RASSF5: variants seen among roughly 807,000 people sequenced by gnomAD.
RASSF5 encodes the protein Ras association domain family member 5.
RASSF5 carries 25 observed loss-of-function variants against 40.5 expected under a neutral mutation model. The observed-to-expected ratio is 0.62, with a 90% CI of 0.45 to 0.86. The LOEUF is 0.86. RASSF5 is among the 40% of genes least tolerant of loss of function. The probability of loss-of-function intolerance (pLI) is 0.00; values close to 1 mark genes in which losing one functional copy is unlikely to be tolerated. For missense variants in RASSF5, 521 were observed against 572.8 expected (o/e 0.91, Z 0.92); for synonymous variants, 246 against 252.4 (o/e 0.97, Z 0.24).
rs574913315 is a variant in RASSF5 at position 206,507,774 on chromosome 1, G to A, written c.172G>A (p.Glu58Lys). 7.7e-4 allele frequency: 1,080 copies of A among 1,397,318 alleles called. 22 individuals carry two copies. The South Asian group carries it at 0.016, about 21-fold the overall frequency. The allele number at this position is 1,397,318 out of a possible 1,614,324, so 86.6% of individuals were successfully genotyped here. ...CCTCTCCACTGCGCCCGGGGCGCGC[G>A]AGGGGCGCAGCGCCCGGAGGGCTGC... ...APLSTAPGAREGRSARRAARG... is the reference protein window; with the variant it reads ...APLSTAPGARKGRSARRAARG... The change falls in exon 1 of 6, where the codon GAG becomes AAG. Residue 58 changes from glutamate (E) to lysine (K), a missense_variant. Transcript: ENST00000579436.
At chr1:206,542,269 C>T (rs1667563747) in intron 2 of RASSF5, 1 of 152,128 alleles carries the variant, frequency 6.6e-6, no homozygotes. Context: ...GGGGGTGGAT[C>T]CCTCATGAAT....
Position 206,584,563 on chromosome 1 carries a change from G to A in RASSF5, c.867G>A (p.Gln289=). 6.2e-7 allele frequency: 1 copy of A among 1,614,238 alleles called. No individual in the cohort carries two copies. Among genetic ancestry groups the A allele is most frequent in the Non-Finnish European group, 8.5e-7 (1 of 1,180,048 alleles). Reference sequence around the variant, plus strand: ...ACCTGCCCCTAGATGCCATCAAGCAGCTGCACATCAGCAGCACCACCACCG... The same window carrying A: ...ACCTGCCCCTAGATGCCATCAAGCAACTGCACATCAGCAGCACCACCACCG... ...SFYLPLDAIK[Q]LHISSTTTVS... The change falls in exon 4 of 6, where the codon CAG becomes CAA. Residue 289 remains glutamine, a synonymous_variant. Coordinates refer to ENST00000579436, the MANE Select transcript of RASSF5 (RefSeq NM_182663.4). This position sits in a 1 kb window ranked among gnomAD's most constrained non-coding sequence, Gnocchi z 4.9.
At position 206,562,314 on chromosome 1, in the gene RASSF5, G is replaced by A. The variant is rs556164353; in HGVS notation, c.580-20955G>A. ...CATGGCACCTGCCCCTCACCACCTC[G>A]GCATGAGAGAAAAGAAAAGATTACT... On this transcript the variant is annotated intron_variant, in intron 2 of 5. Coordinates refer to ENST00000579436, the MANE Select transcript of RASSF5 (RefSeq NM_182663.4). Among the ~76,000 whole-genome samples the A allele has an allele frequency of 1.1e-4, 16 of 152,278 alleles. No homozygotes were observed. In the South Asian group the frequency reaches 1.2e-3, roughly 12 times the overall value.
intron 2 of RASSF5, among the ~76,000 whole-genome samples, chr1:206,563,386 C>T (rs1668201545): frequency 6.6e-6 from 1 of 152,146 alleles, no homozygotes; most frequent in Admixed American, 6.5e-5. Context: ...TGACCTTGTA[C>T]CTCTCTCTCA....
rs894357430 is a variant in RASSF5 at position 206,584,929 on chromosome 1, G to A, written c.988+245G>A. 66 of 607,060 alleles carry A rather than the reference G, an allele frequency of 1.1e-4. 1 individual carries two copies. The African/African-American group carries it at 1.1e-3, about 10-fold the overall frequency. 37.6% of individuals were successfully genotyped at this position (607,060 alleles called of 1,614,324 possible). ...TCCCATTTCCTGATCTGTGCAATGG[G>A]AGGAATCTGCCCCACCATTCCTAAT... On this transcript the variant is annotated intron_variant, in intron 4 of 5. Coordinates refer to ENST00000579436, the MANE Select transcript of RASSF5 (RefSeq NM_182663.4). The surrounding 1 kb of genome is among the most constrained non-coding windows in gnomAD (Gnocchi z 4.9).
chr1:206,524,661 A>ATT (rs1553396896), intron 1 of RASSF5, among the ~76,000 whole-genome samples: 60 of 136,068 alleles, frequency 4.4e-4, no homozygotes, highest in African/African-American at 1.5e-3. Context: ...TATTATGTAT[A>ATT]ATATATATTA....
rs1553407049 is a variant in RASSF5, at chr1:206,584,418, A to C, written c.722A>C (p.Lys241Thr). ...SEDGTYTGFIKVHLKLRRPVT... is the reference protein window; with the variant it reads ...SEDGTYTGFITVHLKLRRPVT... ...GACGGCACCTACACGGGTTTCATCA[A>C]AGTGCATCTGAAACTCCGGCGGCCT... The change falls in exon 4 of 6, where the codon AAA (lysine) becomes ACA (threonine). Residue 241 changes from lysine to threonine, a missense_variant. By Grantham distance (78) the Lys-to-Thr change is moderately conservative. This residue lies in a region of RASSF5 where 284 missense variants were observed against 360.8 expected (regional missense o/e 0.79). Coordinates refer to ENST00000579436, the MANE Select transcript of RASSF5 (RefSeq NM_182663.4). The surrounding 1 kb of genome is among the most constrained non-coding windows in gnomAD (Gnocchi z 4.9). 1 of 1,613,972 alleles carries C rather than the reference A, an allele frequency of 6.2e-7. No individual in the cohort carries two copies. Among genetic ancestry groups the C allele is most frequent in the Admixed American group, 1.7e-5 (1 of 60,012 alleles).
chr1:206,558,975 A>C (rs1668070659), intron 2 of RASSF5, among the ~76,000 whole-genome samples: 1 of 152,104 alleles, frequency 6.6e-6, no homozygotes, highest in Admixed American at 6.5e-5. Flanking sequence ...AAGTCCCCCA[A>C]ATCCCCACAG....
Position 206,584,648 on chromosome 1 carries a change from T to C in RASSF5, c.952T>C (p.Phe318Leu). Residue 318 changes from phenylalanine (F) to leucine (L), a missense_variant, in exon 4 of 6, where the codon TTT (phenylalanine) becomes CTT (leucine). Phe to Leu is a conservative substitution (Grantham distance 22). Around this residue, in one of 2 missense-constraint regions of RASSF5, gnomAD observed 284 missense variants for 360.8 expected, o/e 0.79. Transcript: ENST00000579436. This position sits in a 1 kb window ranked among gnomAD's most constrained non-coding sequence, Gnocchi z 4.9. ...KFMVVDNPQK[F>L]ALFKRIHKDG... Reference sequence around the variant, plus strand: ...CATGGTTGTGGACAATCCCCAGAAGTTTGCACTTTTTAAGCGGATACACAA... The same window carrying C: ...CATGGTTGTGGACAATCCCCAGAAGCTTGCACTTTTTAAGCGGATACACAA... 1 of 1,614,002 alleles carries C rather than the reference T, an allele frequency of 6.2e-7. No homozygotes were observed. Among genetic ancestry groups the C allele is most frequent in the Non-Finnish European group, 8.5e-7 (1 of 1,179,988 alleles).
At chr1:206,586,765 G>A (rs1669132877) in intron 5 of RASSF5, 61 bp from the exon 6 acceptor site, 1 of 1,363,870 alleles carries the variant, frequency 7.3e-7, no homozygotes, top group South Asian at 1.2e-5. Context: ...CTCAGGTCGT[G>A]TCAACTTCTA....
intron 1 of RASSF5, among the ~76,000 whole-genome samples, chr1:206,522,962 A>G (rs1666946543): frequency 6.6e-6 from 1 of 152,198 alleles, no homozygotes. Context: ...ATTTTAGACA[A>G]CAGTGGGCTC....
At chr1:206,523,883 ATATT>A (rs1553396663) in intron 1 of RASSF5, among the ~76,000 whole-genome samples, 1 of 111,452 alleles carries the variant, frequency 9.0e-6, no homozygotes, top group African/African-American at 3.7e-5. Context: ...TATTTTATAT[ATATT>A]TTTCATGTAA....
At position 206,572,767 on chromosome 1, in the gene RASSF5, G is replaced by A. The variant is rs1419262720; in HGVS notation, c.580-10502G>A. ...AAGTGTTTTAATATAGGATATTGAT[G>A]TATTTGTCTTTATACCGATGCAATC... On this transcript the variant is annotated intron_variant, in intron 2 of 5. Transcript: ENST00000579436. 3 of 152,260 alleles carry A rather than the reference G, an allele frequency of 2.0e-5. No homozygotes were observed. In the East Asian group the frequency reaches 5.8e-4, roughly 29 times the overall value. The allele number at this position is 152,260 out of a possible 1,614,324, so 9.4% of individuals were successfully genotyped here.
At chr1:206,570,217 G>A (rs1447447787) in intron 2 of RASSF5, among the ~76,000 whole-genome samples, 3 of 150,310 alleles carry the variant, frequency 2.0e-5, no homozygotes, top group African/African-American at 2.5e-5. Context: ...TCAGCCTCCC[G>A]AGTAGCTGGC....
chr1:206,526,973 A>G (rs1667113572), intron 1 of RASSF5, among the ~76,000 whole-genome samples: 1 of 152,202 alleles, frequency 6.6e-6, no homozygotes, highest in Non-Finnish European at 1.5e-5. Flanking sequence ...TTTGCTGGCA[A>G]GAAAGATACT....
intron 2 of RASSF5, among the ~76,000 whole-genome samples, chr1:206,553,420 C>G (rs181186707): frequency 5.1e-4 from 77 of 152,194 alleles, no homozygotes; most frequent in African/African-American, 1.6e-3. Context: ...ACATGGGGAA[C>G]TCTTGGAAGG....
At chr1:206,585,365 T>A in intron 5 of RASSF5, 70 bp downstream of exon 5, 1 of 1,111,802 alleles carries the variant, frequency 9.0e-7, no homozygotes, top group Non-Finnish European at 1.4e-6. Flanking sequence ...GGTGTTGTCC[T>A]AACTACCTCA....
intron 2 of RASSF5, among the ~76,000 whole-genome samples, chr1:206,561,663 C>CT (rs61094454): frequency 0.037 from 4,419 of 117,960 alleles, 331 homozygotes; most frequent in African/African-American, 0.13. Flanking sequence ...TTTTCTTTTT[C>CT]TTTTTTTTTT....
At chr1:206,578,232 A>AAG (rs1553405557) in intron 2 of RASSF5, among the ~76,000 whole-genome samples, 2 of 130,422 alleles carry the variant, frequency 1.5e-5, no homozygotes, top group African/African-American at 6.0e-5. Context: ...CAAAAAAAAA[A>AAG]AGTGTGTGTG....
Sources: gnomAD v4.1 joint callset for allele counts (sites outside exome capture counted in the v4.1 genomes callset) on GRCh38, gnomAD v4.1.1 for gene constraint, gnomAD v4.1.1 regional missense constraint, Gnocchi (gnomAD v3.1) non-coding constraint, MANE v1.5 for transcripts, NCBI Gene and HGNC (gene_info 2026-07-23, HGNC 2026-07-21) for gene names.